ADGRL2: variants seen among roughly 807,000 people sequenced by gnomAD.
ADGRL2 encodes adhesion G protein-coupled receptor L2, also known as calcium-independent alpha-latrotoxin receptor 2.
A neutral mutation model predicts 157.4 loss-of-function variants in ADGRL2; 44 were observed. That is an observed-to-expected ratio of 0.28 (90% CI 0.22 to 0.36). ADGRL2 has a LOEUF of 0.36. Ranked by LOEUF, ADGRL2 falls within the 10% of genes least tolerant of loss-of-function variation. The pLI, the probability that ADGRL2 is intolerant of heterozygous loss-of-function variation, is 1.00. For synonymous variants in ADGRL2, 585 were observed against 624.7 expected, an observed-to-expected ratio of 0.94 and a Z score of 0.95; for missense variants, 1,510 against 1,768.9, an observed-to-expected ratio of 0.85 and a Z score of 2.63.
rs144688570 is a variant in ADGRL2, at chr1:81,331,622, G to A, written c.-302+25113G>A. Among the ~76,000 whole-genome samples the A allele has an allele frequency of 5.4e-3, 820 of 152,278 alleles. 8 individuals are homozygous for A. Among genetic ancestry groups the A allele is most frequent in the African/African-American group, 0.018 (768 of 41,570 alleles). The stretch of plus-strand genomic sequence containing the variant: ...ATTAAGGAAAGGTCAGGTATTGTGA[G>A]TGGGAAACCACAATGTGCATTGCCT... On this transcript the variant is annotated intron_variant, in intron 1 of 24. Transcript: ENST00000370721.
chr1:81,483,815 A>T (rs569493103), intron 2 of ADGRL2, among the ~76,000 whole-genome samples: 78 of 152,346 alleles, frequency 5.1e-4, no homozygotes, highest in Middle Eastern at 3.4e-3. Context: ...AATGGAAGAC[A>T]TATGTTTAAC....
At chr1:81,427,161 G>A (rs1167637197) in intron 1 of ADGRL2, 2 of 1,094,378 alleles carry the variant, frequency 1.8e-6, no homozygotes, top group South Asian at 1.2e-5. Context: ...ATGGGTTGCG[G>A]AGGAAACTTT....
At chr1:81,863,168 G>C (rs1170674669) in intron 2 of ADGRL2, among the ~76,000 whole-genome samples, 4 of 152,192 alleles carry the variant, frequency 2.6e-5, no homozygotes, top group African/African-American at 9.6e-5. Context: ...TAGAAACCTG[G>C]TTGTTTGGTT....
intron 1 of ADGRL2, among the ~76,000 whole-genome samples, chr1:81,827,500 C>A (rs1171356451): frequency 6.6e-6 from 1 of 152,162 alleles, no homozygotes; most frequent in Admixed American, 6.5e-5. Context: ...CCTTTGTTTT[C>A]TTTTCTAGAA....
intron 4 of ADGRL2, among the ~76,000 whole-genome samples, chr1:81,937,993 G>A (rs923874132): frequency 6.6e-6 from 1 of 151,708 alleles, no homozygotes; most frequent in African/African-American, 2.4e-5. Context: ...GGCTTTTTGT[G>A]TTATCAGTTA....
intron 3 of ADGRL2, among the ~76,000 whole-genome samples, chr1:81,673,797 G>A (rs548930113): frequency 7.9e-5 from 12 of 152,270 alleles, no homozygotes; most frequent in Non-Finnish European, 4.4e-5. Flanking sequence ...GATTACAGGC[G>A]TGAGCCACTG....
chr1:81,558,314 C>CA (rs1003713418), intron 2 of ADGRL2, among the ~76,000 whole-genome samples: 4 of 151,996 alleles, frequency 2.6e-5, no homozygotes, highest in African/African-American at 9.7e-5. Flanking sequence ...ACATTAATAA[C>CA]AAAAATTATT....
intron 4 of ADGRL2, 65 bp downstream of exon 4, chr1:81,936,902 C>T: frequency 1.0e-6 from 1 of 964,932 alleles, no homozygotes; most frequent in Non-Finnish European, 1.7e-6. Flanking sequence ...TGAAAGACTA[C>T]ACATGTGAAA....
chr1:81,325,917 G>T (rs914061527), intron 1 of ADGRL2, among the ~76,000 whole-genome samples: 4 of 151,264 alleles, frequency 2.6e-5, no homozygotes, highest in Non-Finnish European at 5.9e-5. Context: ...TAGGCCCAGA[G>T]ACCCAGAGGA....
At chr1:81,655,258 C>T (rs967783174) in intron 3 of ADGRL2, among the ~76,000 whole-genome samples, 2 of 152,158 alleles carry the variant, frequency 1.3e-5, no homozygotes, top group African/African-American at 4.8e-5. Flanking sequence ...CCTCGGCCTC[C>T]CAAAGTGCTG....
At chr1:81,908,313 C>T (rs1048296030) in intron 3 of ADGRL2, among the ~76,000 whole-genome samples, 1 of 152,176 alleles carries the variant, frequency 6.6e-6, no homozygotes, top group Non-Finnish European at 1.5e-5. Flanking sequence ...CTGTCCTTGG[C>T]CTGTTCATCC....
At chr1:81,623,933 C>G (rs1248816594) in intron 3 of ADGRL2, among the ~76,000 whole-genome samples, 2 of 152,090 alleles carry the variant, frequency 1.3e-5, no homozygotes, top group East Asian at 3.9e-4. Context: ...TCACACCCAG[C>G]TGATATCTTT....
chr1:81,890,359 G>A lies in ADGRL2; in HGVS notation c.74-16658G>A, dbSNP rs77822933. 9.9e-3 allele frequency among the ~76,000 whole-genome samples: 1,509 copies of A among 152,178 alleles called. 29 individuals carry two copies. Among genetic ancestry groups the A allele is most frequent in the African/African-American group, 0.035 (1,439 of 41,526 alleles). On this transcript the variant is annotated intron_variant, in intron 2 of 23. Transcript: ENST00000686636. ...AATTATATGGAAAAAATTAATTTTG[G>A]AATTTTCTACTATAGCAGCTTGGTG...
intron 1 of ADGRL2, among the ~76,000 whole-genome samples, chr1:81,313,971 A>G (rs1259856926): frequency 6.6e-6 from 1 of 152,128 alleles, no homozygotes; most frequent in African/African-American, 2.4e-5. Flanking sequence ...AACCTGTTTA[A>G]TTTCCTATGA....
chr1:81,494,639 C>A (rs1004478923), intron 2 of ADGRL2, among the ~76,000 whole-genome samples: 4 of 152,134 alleles, frequency 2.6e-5, no homozygotes, highest in Non-Finnish European at 5.9e-5. Context: ...GATTACCAAC[C>A]AGTCCATCAT....
chr1:81,524,049 G>A (rs1008757670), intron 2 of ADGRL2, among the ~76,000 whole-genome samples: 2 of 150,968 alleles, frequency 1.3e-5, no homozygotes, highest in Non-Finnish European at 2.9e-5. Flanking sequence ...GGGTGACGGT[G>A]CAAGATTTCA....
intron 6 of ADGRL2, among the ~76,000 whole-genome samples, chr1:81,944,123 C>T (rs1007209304): frequency 6.6e-6 from 1 of 151,846 alleles, no homozygotes; most frequent in African/African-American, 2.4e-5. Flanking sequence ...CTTCTTGGCG[C>T]CAGTGGTTAA....
chr1:81,956,204 T>C (rs773622982), intron 11 of ADGRL2, 144 bp downstream of exon 11: 73 of 590,022 alleles, frequency 1.2e-4, no homozygotes, highest in Non-Finnish European at 1.8e-4. Flanking sequence ...AGAGAAATTA[T>C]TGACCACACT....
intron 2 of ADGRL2, among the ~76,000 whole-genome samples, chr1:81,490,129 TC>T (rs1309166544): frequency 8.1e-4 from 117 of 144,862 alleles, no homozygotes; most frequent in African/African-American, 2.9e-3. Context: ...CTTAACATAT[TC>T]TTTTTTTTTT....
Sources: gnomAD v4.1 joint callset for allele counts (sites outside exome capture counted in the v4.1 genomes callset) on GRCh38, gnomAD v4.1.1 for gene constraint, MANE v1.5 for transcripts, NCBI Gene and HGNC (gene_info 2026-07-23, HGNC 2026-07-21) for gene names.